CLSTN2: variants seen among roughly 807,000 people sequenced by gnomAD.
The protein encoded by CLSTN2 is calsyntenin 2, also known as calsyntenin-2.
CLSTN2 carries 48 observed loss-of-function variants against 101.2 expected under a neutral mutation model. The ratio of observed to expected loss-of-function variants is 0.47; its 90% CI spans 0.38 to 0.60. The LOEUF is 0.60. Ranked by LOEUF, CLSTN2 falls within the 20% of genes least tolerant of loss-of-function variation. The pLI is 0.00. For missense variants in CLSTN2, 1,160 were observed against 1,238.2 expected (o/e 0.94, Z 0.95); for synonymous variants, 481 against 463.6 (o/e 1.04, Z -0.48).
intron 1 of CLSTN2, among the ~76,000 whole-genome samples, chr3:139,950,257 T>C (rs1935274673): frequency 6.6e-6 from 1 of 152,186 alleles, no homozygotes; most frequent in Non-Finnish European, 1.5e-5. Context: ...AAATACCATC[T>C]TCCTCAACCA....
intron 1 of CLSTN2, among the ~76,000 whole-genome samples, chr3:140,103,137 TGACC>T (rs2008996126): frequency 6.6e-6 from 1 of 152,240 alleles, no homozygotes; most frequent in Non-Finnish European, 1.5e-5. Context: ...TTTCTGAGAC[TGACC>T]ATGTTCCCAG....
Position 140,076,625 on chromosome 3 carries a change from G to GTTTTTTTTTT in CLSTN2, c.110-99307_110-99298dup, listed in dbSNP as rs35645750. On this transcript the variant is annotated intron_variant, in intron 1 of 16. Transcript: ENST00000458420. The stretch of plus-strand genomic sequence containing the variant: ...CAATGACTCCCCTCTCACCAGCAGT[G>GTTTTTTTTTT]TTTTTTTTTTTTTTTTTTTTTTTTT... 5.6e-3 allele frequency among the ~76,000 whole-genome samples: 214 copies of GTTTTTTTTTT among 38,074 alleles called. 37 individuals are homozygous for GTTTTTTTTTT. The highest frequency in any genetic ancestry group is 0.014 in the African/African-American group (127 of 8,920). The allele number at this position is 38,074 out of a possible 152,430, so 25.0% of individuals were successfully genotyped here. A position where few individuals can be genotyped will look rare whatever the true frequency, so the allele number is the denominator to read the frequency against.
chr3:140,481,191 T>G (rs1416972150), intron 8 of CLSTN2, among the ~76,000 whole-genome samples: 3 of 152,222 alleles, frequency 2.0e-5, no homozygotes, highest in Non-Finnish European at 4.4e-5. Context: ...CAGCACCATT[T>G]ATTAAATAGG....
intron 2 of CLSTN2, among the ~76,000 whole-genome samples, chr3:140,180,092 A>T (rs2010385888): frequency 6.6e-6 from 1 of 152,210 alleles, no homozygotes; most frequent in African/African-American, 2.4e-5. Flanking sequence ...TGTTGTTTTG[A>T]TGAAATTTAA....
intron 8 of CLSTN2, among the ~76,000 whole-genome samples, chr3:140,484,820 T>C (rs956852907): frequency 1.3e-5 from 2 of 152,250 alleles, no homozygotes; most frequent in Admixed American, 1.3e-4. Flanking sequence ...TCAGGTCATT[T>C]AAGGACTTCT....
chr3:140,367,716 G>A (rs1207491618), intron 2 of CLSTN2, among the ~76,000 whole-genome samples: 1 of 152,150 alleles, frequency 6.6e-6, no homozygotes, highest in Non-Finnish European at 1.5e-5. Context: ...GGTCCCTAAT[G>A]TTCTTATTCC....
intron 2 of CLSTN2, among the ~76,000 whole-genome samples, chr3:140,350,924 C>T (rs896384379): frequency 2.6e-5 from 4 of 152,190 alleles, no homozygotes; most frequent in African/African-American, 9.6e-5. Context: ...CCTGTACATA[C>T]CTGAGCTCCT....
At chr3:140,073,190 A>G (rs2008423661) in intron 1 of CLSTN2, among the ~76,000 whole-genome samples, 1 of 152,186 alleles carries the variant, frequency 6.6e-6, no homozygotes, top group Admixed American at 6.5e-5. Flanking sequence ...CAGAATTGAC[A>G]AGTCTGAGTT....
At chr3:140,488,916 G>A (rs1163459832) in intron 8 of CLSTN2, among the ~76,000 whole-genome samples, 1 of 152,118 alleles carries the variant, frequency 6.6e-6, no homozygotes, top group African/African-American at 2.4e-5. Flanking sequence ...ACACATGAGT[G>A]TGCAAATAAC....
intron 2 of CLSTN2, among the ~76,000 whole-genome samples, chr3:140,205,069 G>C (rs1185833368): frequency 6.6e-6 from 1 of 152,168 alleles, no homozygotes; most frequent in Non-Finnish European, 1.5e-5. Context: ...GGCATTTTCT[G>C]TAAGTTACGG....
intron 1 of CLSTN2, among the ~76,000 whole-genome samples, chr3:139,960,173 A>G (rs981849417): frequency 2.6e-5 from 4 of 152,356 alleles, no homozygotes; most frequent in Admixed American, 2.6e-4. Context: ...AAATGCTCCC[A>G]TCATGACTGA....
intron 1 of CLSTN2, among the ~76,000 whole-genome samples, chr3:139,948,615 G>A (rs1299027716): frequency 1.3e-5 from 2 of 152,272 alleles, no homozygotes; most frequent in Admixed American, 1.3e-4. Flanking sequence ...GTGTGAATGA[G>A]GTGACTTGCT....
intron 2 of CLSTN2, among the ~76,000 whole-genome samples, chr3:140,324,455 C>T (rs2087313208): frequency 6.6e-6 from 1 of 152,004 alleles, no homozygotes; most frequent in Non-Finnish European, 1.5e-5. Flanking sequence ...CTAAGGAAAG[C>T]AAATATATGT....
chr3:140,251,602 C>CCTTTT (rs1278781536), intron 2 of CLSTN2, among the ~76,000 whole-genome samples: 5 of 148,956 alleles, frequency 3.4e-5, no homozygotes, highest in Non-Finnish European at 7.4e-5. Context: ...CCTTTCCTTT[C>CCTTTT]CTTTCCTTTC....
chr3:140,084,607 A>G (rs1231260792), intron 1 of CLSTN2, among the ~76,000 whole-genome samples: 1 of 152,164 alleles, frequency 6.6e-6, no homozygotes, highest in Non-Finnish European at 1.5e-5. Context: ...TATTTTACCA[A>G]ATTCCCAGGT....
At chr3:140,425,747 A>G (rs2088559871) in intron 5 of CLSTN2, among the ~76,000 whole-genome samples, 3 of 152,110 alleles carry the variant, frequency 2.0e-5, no homozygotes, top group Non-Finnish European at 4.4e-5. Context: ...AGGCACATAC[A>G]TTTTGCTCTT....
chr3:140,432,691 T>G (rs530521521), intron 5 of CLSTN2, among the ~76,000 whole-genome samples: 54 of 152,170 alleles, frequency 3.5e-4, no homozygotes, highest in Non-Finnish European at 3.1e-4. Flanking sequence ...AGCTGCCAGA[T>G]AAAAGTGCCC....
At chr3:140,055,643 A>G (rs896751737) in intron 1 of CLSTN2, among the ~76,000 whole-genome samples, 1 of 152,190 alleles carries the variant, frequency 6.6e-6, no homozygotes, top group Non-Finnish European at 1.5e-5. Flanking sequence ...CGTAGTACCT[A>G]CCGTGAAGTA....
At chr3:140,046,826 A>G (rs1238258139) in intron 1 of CLSTN2, among the ~76,000 whole-genome samples, 1 of 152,054 alleles carries the variant, frequency 6.6e-6, no homozygotes, top group Non-Finnish European at 1.5e-5. Context: ...TCCCTGGCTT[A>G]CCTCTGTCAA....
Sources: gnomAD v4.1 joint callset for allele counts (sites outside exome capture counted in the v4.1 genomes callset) on GRCh38, gnomAD v4.1.1 for gene constraint, MANE v1.5 for transcripts, NCBI Gene and HGNC (gene_info 2026-07-23, HGNC 2026-07-21) for gene names.